DAAM1: variants seen among roughly 807,000 people sequenced by gnomAD.
DAAM1 encodes the protein disheveled-associated activator of morphogenesis 1.
DAAM1 carries 52 observed loss-of-function variants against 130.0 expected under a neutral mutation model. The observed-to-expected ratio is 0.40, with a 90% confidence interval of 0.32 to 0.50. DAAM1 has a LOEUF of 0.50. DAAM1 is among the 20% of genes least tolerant of loss of function. The pLI is 0.61. For synonymous variants in DAAM1, 452 were observed against 444.5 expected (o/e 1.02, Z -0.21); for missense variants, 1,134 against 1,303.8 (o/e 0.87, Z 2.01).
intron 1 of DAAM1, among the ~76,000 whole-genome samples, chr14:59,249,801 C>T (rs1881551546): frequency 6.6e-6 from 1 of 152,122 alleles, no homozygotes; most frequent in Admixed American, 6.5e-5. Flanking sequence ...TTACTGGAAA[C>T]CAGCTTTAAA....
intron 4 of DAAM1, among the ~76,000 whole-genome samples, chr14:59,319,719 AT>A (rs1566701227): frequency 6.6e-6 from 1 of 152,148 alleles, no homozygotes; most frequent in Non-Finnish European, 1.5e-5. Flanking sequence ...GGCATTCTCA[AT>A]TTTATAATAA....
rs147113572 is a variant in DAAM1, at chr14:59,209,852, C to T, written c.-38+21084C>T. 5.3e-3 allele frequency among the ~76,000 whole-genome samples: 803 copies of T among 152,178 alleles called. 10 individuals are homozygous for T. Among genetic ancestry groups the T allele is most frequent in the African/African-American group, 0.018 (753 of 41,512 alleles). ...TTTGCAGGGGCCAGGCACAGTGACT[C>T]ATGCCTGTAATTACAACACTTTGGG... is the stretch of plus-strand genomic sequence containing the variant. On this transcript the variant is annotated intron_variant, in intron 1 of 24. Coordinates refer to ENST00000360909, the MANE Select transcript of DAAM1 (RefSeq NM_001270520.2).
chr14:59,254,899 G>A (rs1034337569), intron 1 of DAAM1, among the ~76,000 whole-genome samples: 3 of 152,146 alleles, frequency 2.0e-5, no homozygotes, highest in Non-Finnish European at 4.4e-5. Flanking sequence ...CTTGGAGAAA[G>A]CCTGTTAATT....
At chr14:59,212,654 T>C (rs1888461970) in intron 1 of DAAM1, among the ~76,000 whole-genome samples, 1 of 152,258 alleles carries the variant, frequency 6.6e-6, no homozygotes, top group Non-Finnish European at 1.5e-5. Context: ...CTCATAATCC[T>C]GCCCAAGCAG....
intron 1 of DAAM1, among the ~76,000 whole-genome samples, chr14:59,198,209 T>G (rs1312319553): frequency 2.3e-5 from 3 of 129,118 alleles, no homozygotes; most frequent in Non-Finnish European, 4.6e-5. Flanking sequence ...TTTTCTTTCT[T>G]TTTTTTTTTT....
chr14:59,309,521 C>T (rs903669355), intron 3 of DAAM1, among the ~76,000 whole-genome samples: 3 of 152,172 alleles, frequency 2.0e-5, no homozygotes, highest in Non-Finnish European at 2.9e-5. Context: ...CAAACTATGG[C>T]CCGTGGGCTA....
At chr14:59,293,973 A>G (rs1883850176) in intron 3 of DAAM1, among the ~76,000 whole-genome samples, 1 of 152,196 alleles carries the variant, frequency 6.6e-6, no homozygotes, top group South Asian at 2.1e-4. Context: ...TTTTCAAATC[A>G]GGCTTATCAC....
intron 5 of DAAM1, among the ~76,000 whole-genome samples, chr14:59,322,347 T>TA (rs1023120497): frequency 5.4e-5 from 8 of 147,774 alleles, no homozygotes; most frequent in South Asian, 2.2e-4. Flanking sequence ...CTCCACCTCT[T>TA]AAAAAAAAAA....
chr14:59,328,076 A>G (rs947150466), intron 12 of DAAM1, among the ~76,000 whole-genome samples: 7 of 152,224 alleles, frequency 4.6e-5, no homozygotes, highest in African/African-American at 1.4e-4. Context: ...CTCACAGCCA[A>G]TGAAATACAA....
In DAAM1 at chr14:59,352,517, A is replaced by G. The variant is rs1886327073; in HGVS notation, c.2161-9A>G. 6.2e-7 allele frequency: 1 copy of G among 1,605,334 alleles called. No homozygotes were observed. On this transcript the variant is annotated splice_polypyrimidine_tract_variant and intron_variant, in intron 17 of 24. Transcript: ENST00000360909. ...AACCTCAGTTTTAATATTCGTGTGT[A>G]CTTTTCAGCTCTTGAAATTTGTTCC... is the stretch of plus-strand genomic sequence containing the variant.
At chr14:59,270,632 T>C (rs919833316) in intron 2 of DAAM1, among the ~76,000 whole-genome samples, 1 of 152,164 alleles carries the variant, frequency 6.6e-6, no homozygotes, top group African/African-American at 2.4e-5. Flanking sequence ...TGAGGTGAGG[T>C]GCCTCTTTGT....
chr14:59,225,027 T>TTTG (rs1555356026), intron 1 of DAAM1, among the ~76,000 whole-genome samples: 1 of 138,262 alleles, frequency 7.2e-6, no homozygotes, highest in African/African-American at 2.8e-5. Context: ...GGGTTTTTTT[T>TTTG]TTTTTTTTTT....
Position 59,315,302 on chromosome 14 carries a change from C to T in DAAM1, c.296C>T (p.Ala99Val), listed in dbSNP as rs779964021. 1 of 1,613,932 alleles carries T rather than the reference C, an allele frequency of 6.2e-7. No homozygotes were observed. ...KKKDQEENKG[A>V]TSWPEFYIDQ... is the part of the protein sequence containing the mutation. The stretch of plus-strand genomic sequence containing the variant: ...TAGGACCAGGAAGAAAACAAGGGAG[C>T]TACAAGTTGGCCTGAATTCTACATT... Residue 99 changes from alanine (A) to valine (V), a missense_variant, in exon 4 of 25, where the codon GCT becomes GTT. Ala to Val is a moderately conservative substitution (Grantham distance 64). This residue lies in a region of DAAM1 where 391 missense variants were observed against 521.6 expected (regional missense o/e 0.75). Coordinates refer to ENST00000360909, the MANE Select transcript of DAAM1 (RefSeq NM_001270520.2).
intron 24 of DAAM1, among the ~76,000 whole-genome samples, chr14:59,367,876 G>A (rs757176377): frequency 8.6e-5 from 13 of 151,908 alleles, no homozygotes; most frequent in Non-Finnish European, 1.9e-4. Flanking sequence ...CACAAAAAAG[G>A]GCAGCATTCT....
At chr14:59,214,888 CT>C (rs1310242411) in intron 1 of DAAM1, among the ~76,000 whole-genome samples, 1 of 152,152 alleles carries the variant, frequency 6.6e-6, no homozygotes, top group Non-Finnish European at 1.5e-5. Context: ...CATATAGAGA[CT>C]TGGTGTTTAA....
chr14:59,323,476 A>G (rs1885096971), intron 6 of DAAM1, among the ~76,000 whole-genome samples: 1 of 152,186 alleles, frequency 6.6e-6, no homozygotes, highest in Admixed American at 6.5e-5. Context: ...TATATGTCAT[A>G]TAGCACACAT....
Position 59,320,113 on chromosome 14 carries a change from G to C in DAAM1, c.346-377G>C, listed in dbSNP as rs546548717. On this transcript the variant is annotated intron_variant, in intron 4 of 24. Transcript: ENST00000360909. ...GTCTTGATTACACTTTTTGGCTGAG[G>C]AATAGGAATGGTAGCATAGGAGGAC... 5.3e-5 allele frequency among the ~76,000 whole-genome samples: 8 copies of C among 152,266 alleles called. No homozygotes were observed. In the East Asian group the frequency reaches 1.3e-3, roughly 26 times the overall value.
At chr14:59,353,024 C>T (rs1271417665) in intron 18 of DAAM1, among the ~76,000 whole-genome samples, 1 of 151,234 alleles carries the variant, frequency 6.6e-6, no homozygotes, top group Non-Finnish European at 1.5e-5. Flanking sequence ...AATATATGGA[C>T]AGACTCTGAC....
At chr14:59,189,986 G>T (rs539752661) in intron 1 of DAAM1, among the ~76,000 whole-genome samples, 1 of 152,210 alleles carries the variant, frequency 6.6e-6, no homozygotes, top group South Asian at 2.1e-4. Context: ...ATTCGAGCAG[G>T]ACCCAGTGAA....
Sources: allele counts gnomAD v4.1 joint callset (sites outside exome capture counted in the v4.1 genomes callset), GRCh38; gene constraint gnomAD v4.1.1; regional missense constraint gnomAD v4.1.1; transcripts MANE v1.5; gene names NCBI Gene and HGNC (gene_info 2026-07-23, HGNC 2026-07-21).